The following TNPO1 variants were observed in gnomAD, a reference collection of about 807,000 sequenced individuals.
TNPO1 encodes transportin 1.
In TNPO1, 8 loss-of-function variants were observed where a neutral mutation model predicts 119.5. That is an observed-to-expected ratio of 0.07 (90% CI 0.04 to 0.12). The LOEUF is 0.12. Among genes scored for constraint, TNPO1 ranks in the 10% least tolerant of loss-of-function variants. The probability of loss-of-function intolerance (pLI) is 1.00; values close to 1 mark genes in which losing one functional copy is unlikely to be tolerated. For missense variants in TNPO1, 576 were observed against 1,089.8 expected (o/e 0.53, Z 6.64); for synonymous variants, 362 against 363.0 (o/e 1.00, Z 0.03).
chr5:72,862,353 G>A (rs1218449567), intron 5 of TNPO1: 1 of 163,492 alleles, frequency 6.1e-6, no homozygotes, highest in Non-Finnish European at 1.3e-5. Flanking sequence ...TTTTGAGACA[G>A]GGTCTCACTC....
chr5:72,858,945 C>T, intron 4 of TNPO1, among the ~76,000 whole-genome samples: 1 of 143,402 alleles, frequency 7.0e-6, no homozygotes, highest in South Asian at 2.2e-4. Flanking sequence ...TCCAACAAAT[C>T]TGGGAAGGTT....
chr5:72,908,441 T>C (rs1750326167), intron 24 of TNPO1, among the ~76,000 whole-genome samples: 1 of 152,196 alleles, frequency 6.6e-6, no homozygotes, highest in Non-Finnish European at 1.5e-5. Flanking sequence ...CATATTTCAC[T>C]ATACAAAGTG....
chr5:72,837,124 T>TA (rs766743962), intron 1 of TNPO1, among the ~76,000 whole-genome samples: 24 of 152,202 alleles, frequency 1.6e-4, no homozygotes, highest in Admixed American at 2.0e-4. Flanking sequence ...AGGTATTTCT[T>TA]ATAGTAGCAC....
At chr5:72,840,145 CT>C (rs1332375556) in intron 1 of TNPO1, among the ~76,000 whole-genome samples, 1 of 152,028 alleles carries the variant, frequency 6.6e-6, no homozygotes, top group Admixed American at 6.5e-5. Context: ...AGTCTGCCCA[CT>C]GTTAAGTTCT....
At chr5:72,854,227 T>G (rs961866504) in intron 3 of TNPO1, among the ~76,000 whole-genome samples, 3 of 152,202 alleles carry the variant, frequency 2.0e-5, no homozygotes, top group Non-Finnish European at 4.4e-5. Context: ...TTTTGTTTGT[T>G]TTGTTTTGGT....
intron 2 of TNPO1, 144 bp downstream of exon 2, chr5:72,848,642 G>C (rs1398038745): frequency 2.6e-5 from 8 of 309,408 alleles, no homozygotes; most frequent in Non-Finnish European, 4.0e-5. Flanking sequence ...TCCGGGCGCG[G>C]GGGAAGCCGC....
At chr5:72,830,956 C>T (rs1256718149) in intron 1 of TNPO1, among the ~76,000 whole-genome samples, 2 of 152,072 alleles carry the variant, frequency 1.3e-5, no homozygotes, top group Non-Finnish European at 2.9e-5. Context: ...AACAGGCACG[C>T]AGAATTATGC....
chr5:72,894,849 T>C (rs538889125), intron 18 of TNPO1, among the ~76,000 whole-genome samples: 20 of 152,324 alleles, frequency 1.3e-4, no homozygotes, highest in African/African-American at 3.9e-4. Context: ...TGAATTCTTA[T>C]GGGAAGCTTA....
chr5:72,889,972 A>G lies in TNPO1; in HGVS notation c.1701+15A>G. On this transcript the variant is annotated intron_variant, in intron 14 of 24. Coordinates refer to ENST00000337273, the MANE Select transcript of TNPO1 (RefSeq NM_002270.4). ...TAAACAAACCAGTAAGTATCTGTTAAGAACTATTAGGGAAAATAATGTGTA... is the reference window on the plus strand; with the variant it reads ...TAAACAAACCAGTAAGTATCTGTTAGGAACTATTAGGGAAAATAATGTGTA... 6.2e-7 allele frequency: 1 copy of G among 1,609,346 alleles called. No homozygotes were observed. Among genetic ancestry groups the G allele is most frequent in the Non-Finnish European group, 8.5e-7 (1 of 1,178,168 alleles).
chr5:72,842,570 T>C (rs754609745), intron 1 of TNPO1, among the ~76,000 whole-genome samples: 21 of 152,356 alleles, frequency 1.4e-4, no homozygotes, highest in Non-Finnish European at 2.4e-4. Flanking sequence ...TGGTAGCATC[T>C]TGGCTCTCTG....
chr5:72,861,558 C>T (rs1746447782), intron 4 of TNPO1, among the ~76,000 whole-genome samples: 1 of 152,098 alleles, frequency 6.6e-6, no homozygotes, highest in African/African-American at 2.4e-5. Flanking sequence ...CATACCATCA[C>T]GCCCAGCTGA....
intron 8 of TNPO1, among the ~76,000 whole-genome samples, chr5:72,876,155 T>C (rs1004677321): frequency 6.6e-6 from 1 of 152,206 alleles, no homozygotes; most frequent in African/African-American, 2.4e-5. Flanking sequence ...TTAACTAAAG[T>C]GAAGAAATTT....
intron 1 of TNPO1, 104 bp downstream of exon 1, chr5:72,816,856 C>G (rs1743715088): frequency 1.4e-6 from 2 of 1,391,240 alleles, no homozygotes; most frequent in Admixed American, 4.9e-5. Flanking sequence ...CGGGCTCGCC[C>G]GCTCTCTCGG....
chr5:72,816,857 G>T (rs1743715206), intron 1 of TNPO1, 105 bp downstream of exon 1: 2 of 1,370,698 alleles, frequency 1.5e-6, no homozygotes, highest in Admixed American at 2.5e-5. Flanking sequence ...GGGCTCGCCC[G>T]CTCTCTCGGC....
intron 1 of TNPO1, among the ~76,000 whole-genome samples, chr5:72,831,341 A>G (rs994932147): frequency 5.3e-5 from 8 of 151,792 alleles, no homozygotes; most frequent in Non-Finnish European, 8.8e-5. Flanking sequence ...TGAGCTATAT[A>G]TATTGTTTTT....
At chr5:72,874,992 ATCT>A (rs1211344283) in intron 7 of TNPO1, among the ~76,000 whole-genome samples, 1 of 151,940 alleles carries the variant, frequency 6.6e-6, no homozygotes, top group Non-Finnish European at 1.5e-5. Context: ...CCAGATTCAG[ATCT>A]TCTGCTGGTT....
At chr5:72,875,857 A>C in intron 8 of TNPO1, 120 bp downstream of exon 8, 1 of 1,220,344 alleles carries the variant, frequency 8.2e-7, no homozygotes, top group Non-Finnish European at 1.1e-6. Flanking sequence ...TCTTAAAATT[A>C]TAAGTTATCT....
At chr5:72,826,080 T>C (rs1336122852) in intron 1 of TNPO1, among the ~76,000 whole-genome samples, 3 of 152,082 alleles carry the variant, frequency 2.0e-5, no homozygotes, top group Non-Finnish European at 4.4e-5. Flanking sequence ...CTGGCTCCAC[T>C]CTCTGAAATG....
At chr5:72,837,488 C>G (rs1490639883) in intron 1 of TNPO1, among the ~76,000 whole-genome samples, 1 of 152,176 alleles carries the variant, frequency 6.6e-6, no homozygotes, top group Non-Finnish European at 1.5e-5. Flanking sequence ...TCCAAAGTCC[C>G]CACCTCTTAA....
Sources: gnomAD v4.1 joint callset for allele counts (sites outside exome capture counted in the v4.1 genomes callset) on GRCh38, gnomAD v4.1.1 for gene constraint, MANE v1.5 for transcripts, NCBI Gene and HGNC (gene_info 2026-07-23, HGNC 2026-07-21) for gene names.